The following E2F3 variants were observed in gnomAD, a reference collection of about 807,000 sequenced individuals.
E2F3 encodes the protein transcription factor E2F3.
Under a neutral mutation model 44.4 loss-of-function variants are expected in E2F3, and 11 were observed. The ratio of observed to expected loss-of-function variants is 0.25; its 90% CI spans 0.16 to 0.41. The LOEUF is 0.41. E2F3 is among the 10% of genes least tolerant of loss of function. The pLI, the probability that E2F3 is intolerant of heterozygous loss-of-function variation, is 1.00. For synonymous variants in E2F3, 249 were observed against 253.0 expected, an observed-to-expected ratio of 0.98 and a Z score of 0.15; for missense variants, 487 against 583.6, an observed-to-expected ratio of 0.83 and a Z score of 1.70.
In E2F3 at chr6:20,491,093, G is replaced by C. The variant is rs1313807614; in HGVS notation, c.*663G>C. 4.3e-6 allele frequency: 1 copy of C among 231,022 alleles called. No individual in the cohort carries two copies. The highest frequency in any genetic ancestry group is 2.2e-5 in the African/African-American group (1 of 45,204). 14.3% of individuals were successfully genotyped at this position (231,022 alleles called of 1,614,324 possible). A position where few individuals can be genotyped will look rare whatever the true frequency, so the allele number is the denominator to read the frequency against. ...AAATATACTTGTTGCAGATACAGAA[G>C]ACTAGTAGAGTTCTGCCACTCTAAG... On this transcript the variant is annotated 3_prime_UTR_variant, in exon 7 of 7. Transcript: ENST00000346618.
intron 1 of E2F3, among the ~76,000 whole-genome samples, chr6:20,476,328 A>G (rs1427150390): frequency 1.3e-5 from 2 of 152,076 alleles, no homozygotes; most frequent in African/African-American, 4.8e-5. Flanking sequence ...TTGAAATTGC[A>G]CCACTGCACT....
At chr6:20,481,837 G>A (rs990223735) in intron 3 of E2F3, among the ~76,000 whole-genome samples, 55 of 151,974 alleles carry the variant, frequency 3.6e-4, no homozygotes, top group African/African-American at 1.2e-3. Context: ...ATGTGTATAC[G>A]TACAACTGCA....
intron 1 of E2F3, chr6:20,421,491 T>C (rs1760025783): frequency 1.3e-5 from 2 of 152,224 alleles, no homozygotes; most frequent in Non-Finnish European, 2.9e-5. Context: ...TCCTTGTACA[T>C]CTCCATCAGA....
intron 3 of E2F3, 106 bp from the exon 4 acceptor site, chr6:20,482,656 A>G (rs1422140750): frequency 9.9e-7 from 1 of 1,007,856 alleles, no homozygotes; most frequent in Non-Finnish European, 1.4e-6. Context: ...TTGGCTAACA[A>G]GCAATGTGAC....
intron 1 of E2F3, among the ~76,000 whole-genome samples, chr6:20,465,473 T>G (rs1261099396): frequency 6.6e-6 from 1 of 152,238 alleles, no homozygotes; most frequent in African/African-American, 2.4e-5. Flanking sequence ...CAATTTTTTT[T>G]ATTTTCCATA....
At chr6:20,464,372 TCTC>T (rs1422193479) in intron 1 of E2F3, among the ~76,000 whole-genome samples, 1 of 152,200 alleles carries the variant, frequency 6.6e-6, no homozygotes, top group East Asian at 1.9e-4. Flanking sequence ...GGGGAGGTTA[TCTC>T]CTCCTTGCAT....
rs1759332123 is a variant in E2F3 at position 20,402,379 on chromosome 6, CGCT to C, written c.150_152del (p.Ala53del). The C allele has an allele frequency of 2.5e-6, 4 of 1,608,230 alleles. No homozygotes were observed. The highest frequency in any genetic ancestry group is 3.4e-6 in the Non-Finnish European group (4 of 1,178,036). On this transcript the variant is annotated inframe_deletion, in exon 1 of 7. Transcript: ENST00000346618. This position sits in a 1 kb window ranked among gnomAD's most constrained non-coding sequence, Gnocchi z 5.6. ...GCCCCGGCTTCGCCGCCGCCGCCGCCGCTGCCGCCGCCCCGGGCGCGTACATCC... is the reference window on the plus strand; with the variant it reads ...GCCCCGGCTTCGCCGCCGCCGCCGCCGCCGCCGCCCCGGGCGCGTACATCC...
In E2F3 at chr6:20,490,656, G is replaced by C. The variant is rs1193462636; in HGVS notation, c.*226G>C. ...GGCTCCCTTGGGAAAGCCCTGCTTT[G>C]CTCCAGGCTCCAAGATCTCCTGGCT... is the stretch of plus-strand genomic sequence containing the variant. On this transcript the variant is annotated 3_prime_UTR_variant, in exon 7 of 7. Coordinates refer to ENST00000346618, the MANE Select transcript of E2F3 (RefSeq NM_001949.5). The surrounding 1 kb of genome is among the most constrained non-coding windows in gnomAD (Gnocchi z 4.3). 6 of 372,924 alleles carry C rather than the reference G, an allele frequency of 1.6e-5. No individual in the cohort carries two copies. Among genetic ancestry groups the C allele is most frequent in the Admixed American group, 9.6e-5 (2 of 20,936 alleles). The allele number at this position is 372,924 out of a possible 1,614,324, so 23.1% of individuals were successfully genotyped here.
chr6:20,480,599 A>G (rs929682870), intron 2 of E2F3, among the ~76,000 whole-genome samples: 5 of 152,218 alleles, frequency 3.3e-5, no homozygotes, highest in African/African-American at 1.2e-4. Flanking sequence ...CTGTGCACCT[A>G]TGGGGGAACA....
intron 1 of E2F3, among the ~76,000 whole-genome samples, chr6:20,447,157 C>G (rs181145167): frequency 2.6e-5 from 4 of 152,092 alleles, no homozygotes; most frequent in Non-Finnish European, 4.4e-5. Flanking sequence ...GGGACGTCCA[C>G]GTTTGTCCTG....
intron 3 of E2F3, among the ~76,000 whole-genome samples, chr6:20,481,774 G>A (rs866427649): frequency 1.1e-4 from 16 of 152,220 alleles, no homozygotes; most frequent in Middle Eastern, 6.8e-3. Flanking sequence ...ATGTGTACAC[G>A]TCTTCAGCTT....
chr6:20,407,853 T>A (rs1221124491), intron 1 of E2F3, among the ~76,000 whole-genome samples: 1 of 152,194 alleles, frequency 6.6e-6, no homozygotes, highest in Non-Finnish European at 1.5e-5. Context: ...CAGCTGTAAC[T>A]AGGATGAGTC....
intron 1 of E2F3, among the ~76,000 whole-genome samples, chr6:20,446,824 C>T (rs1007647432): frequency 6.6e-6 from 1 of 152,174 alleles, no homozygotes; most frequent in Non-Finnish European, 1.5e-5. Flanking sequence ...GCATCGGCCT[C>T]TCAAAGTGCC....
chr6:20,402,374 G>T lies in E2F3; in HGVS notation c.142G>T (p.Ala48Ser), dbSNP rs775788562. The change falls in exon 1 of 7, where the codon GCC (alanine) becomes TCC (serine). Residue 48 changes from alanine (A) to serine (S), a missense_variant. Coordinates refer to ENST00000346618, the MANE Select transcript of E2F3 (RefSeq NM_001949.5). This position sits in a 1 kb window ranked among gnomAD's most constrained non-coding sequence, Gnocchi z 5.6. ...LLASPGFAAA[A>S]AAAAAPGAYI... ...AGCCAGCCCCGGCTTCGCCGCCGCC[G>T]CCGCCGCTGCCGCCGCCCCGGGCGC... The T allele has an allele frequency of 6.2e-7, 1 of 1,607,484 alleles. No homozygotes were observed. Among genetic ancestry groups the T allele is most frequent in the Non-Finnish European group, 8.5e-7 (1 of 1,177,862 alleles).
intron 1 of E2F3, among the ~76,000 whole-genome samples, chr6:20,434,874 G>C (rs992119075): frequency 6.6e-6 from 1 of 152,176 alleles, no homozygotes; most frequent in Non-Finnish European, 1.5e-5. Context: ...AAAGGCACAC[G>C]CATAAAATGA....
At position 20,491,329 on chromosome 6, in the gene E2F3, C is replaced by T. The variant is rs1303962662; in HGVS notation, c.*899C>T. 1 of 228,814 alleles carries T rather than the reference C, an allele frequency of 4.4e-6. No individual in the cohort carries two copies. Among genetic ancestry groups the T allele is most frequent in the Non-Finnish European group, 8.7e-6 (1 of 114,978 alleles). The allele number at this position is 228,814 out of a possible 1,614,324, so 14.2% of individuals were successfully genotyped here. On this transcript the variant is annotated 3_prime_UTR_variant, in exon 7 of 7. Coordinates refer to ENST00000346618, the MANE Select transcript of E2F3 (RefSeq NM_001949.5). ...TACTTTGAAGCGGTTTTTGCAAATTCATATTACTTAAGCAGAGGGAGAGAA... is the reference window on the plus strand; with the variant it reads ...TACTTTGAAGCGGTTTTTGCAAATTTATATTACTTAAGCAGAGGGAGAGAA...
At chr6:20,475,176 C>T (rs1762006227) in intron 1 of E2F3, among the ~76,000 whole-genome samples, 1 of 152,204 alleles carries the variant, frequency 6.6e-6, no homozygotes, top group South Asian at 2.1e-4. Context: ...ATAAAAGTGC[C>T]TTGCAATTTT....
At chr6:20,428,327 G>A (rs973956353) in intron 1 of E2F3, among the ~76,000 whole-genome samples, 2 of 152,224 alleles carry the variant, frequency 1.3e-5, no homozygotes, top group South Asian at 2.1e-4. Flanking sequence ...GGATTCAAGC[G>A]ATTTTCCTGC....
intron 1 of E2F3, among the ~76,000 whole-genome samples, chr6:20,437,559 AATGTAGTGTTTAT>A (rs1372569051): frequency 6.6e-6 from 1 of 152,188 alleles, no homozygotes; most frequent in Non-Finnish European, 1.5e-5. Flanking sequence ...TAATTCTAAA[AATGTAGTGTTTAT>A]ATTGTTTTCC....
Sources: gnomAD v4.1 joint callset for allele counts (sites outside exome capture counted in the v4.1 genomes callset) on GRCh38, gnomAD v4.1.1 for gene constraint, Gnocchi (gnomAD v3.1) non-coding constraint, MANE v1.5 for transcripts, NCBI Gene and HGNC (gene_info 2026-07-23, HGNC 2026-07-21) for gene names.